Variants in PLA1A observed in about 807,000 individuals in gnomAD.
PLA1A encodes the protein phospholipase A1 member A.
In PLA1A, 47 loss-of-function variants were observed where a neutral mutation model predicts 49.4. That is an observed-to-expected ratio of 0.95 (90% confidence interval 0.75 to 1.21). The LOEUF (loss-of-function observed/expected upper bound fraction) is 1.21. PLA1A is among the 50% of genes most tolerant of loss of function. The pLI is 0.00. For synonymous variants in PLA1A, 224 were observed against 207.9 expected, an observed-to-expected ratio of 1.08 and a Z score of -0.67; for missense variants, 561 against 563.9, an observed-to-expected ratio of 0.99 and a Z score of 0.05.
In PLA1A at chr3:119,628,826, T is replaced by C. The variant is rs2052582757; in HGVS notation, c.1247T>C (p.Ile416Thr). Residue 416 changes from isoleucine to threonine, a missense_variant, in exon 10 of 11, where the codon ATT (isoleucine) becomes ACT (threonine). Coordinates refer to ENST00000273371, the MANE Select transcript of PLA1A (RefSeq NM_015900.4). ...TGGAAAAAAGACCGGACTACCATTA[T>C]TGGGAAGTTCTGCACTGCCCTTTTG... Reference protein sequence around the residue: ...RVWKKDRTTIIGKFCTALLPV... With the variant: ...RVWKKDRTTITGKFCTALLPV... The C allele has an allele frequency of 1.2e-6, 2 of 1,614,174 alleles. No individual in the cohort carries two copies. Among genetic ancestry groups the C allele is most frequent in the Admixed American group, 1.7e-5 (1 of 60,034 alleles).
At chr3:119,626,500 C>T (rs2107802087) in intron 9 of PLA1A, among the ~76,000 whole-genome samples, 1 of 152,246 alleles carries the variant, frequency 6.6e-6, no homozygotes, top group East Asian at 1.9e-4. Flanking sequence ...GTGTCTGGAG[C>T]ACAGATTTGG....
At chr3:119,628,625 C>A (rs2052578650) in intron 9 of PLA1A, 76 bp from the exon 10 acceptor site, 2 of 1,384,762 alleles carry the variant, frequency 1.4e-6, no homozygotes, top group Non-Finnish European at 1.0e-6. Context: ...ACCAGCAGAG[C>A]CCGATCGGAG....
chr3:119,602,488 TA>T (rs1412470065), intron 1 of PLA1A, among the ~76,000 whole-genome samples: 1 of 152,196 alleles, frequency 6.6e-6, no homozygotes, highest in Non-Finnish European at 1.5e-5. Flanking sequence ...TCTGTATTTA[TA>T]TACCTTTTTT....
intron 7 of PLA1A, 75 bp from the exon 8 acceptor site, chr3:119,619,488 A>T: frequency 1.1e-6 from 1 of 946,512 alleles, no homozygotes; most frequent in Non-Finnish European, 1.7e-6. Flanking sequence ...TGAATTAATA[A>T]ACACGTGGCT....
intron 8 of PLA1A, among the ~76,000 whole-genome samples, chr3:119,621,092 G>A (rs2082923190): frequency 6.6e-6 from 1 of 152,200 alleles, no homozygotes; most frequent in Non-Finnish European, 1.5e-5. Flanking sequence ...AGGTGGTGTT[G>A]CCAGGACCAG....
intron 8 of PLA1A, among the ~76,000 whole-genome samples, chr3:119,622,351 A>G (rs2082952451): frequency 6.6e-6 from 1 of 152,204 alleles, no homozygotes; most frequent in Admixed American, 6.5e-5. Context: ...TCCACATTGC[A>G]AATATCATCC....
intron 5 of PLA1A, among the ~76,000 whole-genome samples, chr3:119,613,679 G>A (rs1287807449): frequency 6.6e-6 from 1 of 152,234 alleles, no homozygotes; most frequent in African/African-American, 2.4e-5. Context: ...GGATCAGGAG[G>A]TCAGGAGATC....
chr3:119,603,183 A>G (rs546263735), intron 1 of PLA1A, among the ~76,000 whole-genome samples: 14 of 152,360 alleles, frequency 9.2e-5, no homozygotes, highest in South Asian at 4.1e-4. Flanking sequence ...CTTAAAAAAA[A>G]AAATCGTGAC....
At chr3:119,619,525 T>G (rs1025429616) in intron 7 of PLA1A, 38 bp from the exon 8 acceptor site, 1 of 1,432,340 alleles carries the variant, frequency 7.0e-7, no homozygotes, top group Admixed American at 1.7e-5. Flanking sequence ...TAAGATAGCC[T>G]TCTCAGGACT....
intron 7 of PLA1A, among the ~76,000 whole-genome samples, chr3:119,618,998 T>G (rs912705948): frequency 2.5e-4 from 38 of 152,372 alleles, no homozygotes; most frequent in African/African-American, 8.9e-4. Context: ...CTAGATGCCA[T>G]GGACCCACAG....
At position 119,629,490 on chromosome 3, in the gene PLA1A, C is replaced by T. The variant is rs778753997; in HGVS notation, c.*22C>T. On this transcript the variant is annotated 3_prime_UTR_variant, in exon 11 of 11. Coordinates refer to ENST00000273371, the MANE Select transcript of PLA1A (RefSeq NM_015900.4). ...GTAGTTTAACCTGGGCAGGACACAT[C>T]TCCCTGCATTTTTTTTTTTTTTTTG... 7.4e-7 allele frequency: 1 copy of T among 1,343,620 alleles called. No homozygotes were observed. The highest frequency in any genetic ancestry group is 1.2e-5 in the South Asian group (1 of 80,554). The allele number at this position is 1,343,620 out of a possible 1,614,324, so 83.2% of individuals were successfully genotyped here.
intron 4 of PLA1A, 30 bp downstream of exon 4, chr3:119,609,606 C>T (rs200802773): frequency 3.8e-6 from 3 of 798,286 alleles, no homozygotes; most frequent in Admixed American, 4.7e-5. Flanking sequence ...ATCCTCCAGG[C>T]TTTAGAGATA....
intron 4 of PLA1A, among the ~76,000 whole-genome samples, chr3:119,609,935 T>A (rs986485150): frequency 6.6e-6 from 1 of 152,192 alleles, no homozygotes; most frequent in Non-Finnish European, 1.5e-5. Flanking sequence ...CAAGTAGCAA[T>A]CAGTACTTGA....
intron 9 of PLA1A, among the ~76,000 whole-genome samples, chr3:119,628,355 G>T (rs954711869): frequency 3.9e-5 from 6 of 152,214 alleles, no homozygotes; most frequent in Non-Finnish European, 5.9e-5. Flanking sequence ...CTAAAAGAGG[G>T]TTTCTACTTC....
At chr3:119,617,868 G>A (rs1560084240) in intron 6 of PLA1A, 151 bp from the exon 7 acceptor site, 9 of 541,918 alleles carry the variant, frequency 1.7e-5, no homozygotes, top group Non-Finnish European at 2.6e-5. Context: ...TAGTAACCAT[G>A]TACACTAATA....
chr3:119,619,864 T>C (rs377650579), intron 8 of PLA1A, among the ~76,000 whole-genome samples: 1 of 152,356 alleles, frequency 6.6e-6, no homozygotes, highest in African/African-American at 2.4e-5. Context: ...GTCTATCTAC[T>C]GATCGTATTT....
At chr3:119,620,170 T>C (rs1263622262) in intron 8 of PLA1A, 1 of 456,644 alleles carries the variant, frequency 2.2e-6, no homozygotes, top group East Asian at 6.9e-5. Context: ...GAAGTAAAAA[T>C]GTGTCCAGAA....
intron 8 of PLA1A, among the ~76,000 whole-genome samples, chr3:119,622,826 T>G (rs1335622622): frequency 6.6e-6 from 1 of 151,934 alleles, no homozygotes; most frequent in Non-Finnish European, 1.5e-5. Flanking sequence ...CTTTCTTTTC[T>G]TATTTATTTA....
intron 1 of PLA1A, among the ~76,000 whole-genome samples, chr3:119,605,327 C>T (rs1200148695): frequency 6.6e-6 from 1 of 152,164 alleles, no homozygotes; most frequent in African/African-American, 2.4e-5. Flanking sequence ...GATGGGGAAA[C>T]CTCTAGTCTA....
Sources: gnomAD v4.1 joint callset for allele counts (sites outside exome capture counted in the v4.1 genomes callset) on GRCh38, gnomAD v4.1.1 for gene constraint, MANE v1.5 for transcripts, NCBI Gene and HGNC (gene_info 2026-07-23, HGNC 2026-07-21) for gene names.